The following ST7 variants were observed in gnomAD, a reference collection of about 807,000 sequenced individuals.
ST7 encodes suppression of tumorigenicity 7.
A neutral mutation model predicts 78.7 loss-of-function variants in ST7; 28 were observed. The observed-to-expected ratio is 0.36, with a 90% CI of 0.26 to 0.49. ST7 has a LOEUF of 0.49. Ranked by LOEUF, ST7 falls within the 20% of genes least tolerant of loss-of-function variation. The pLI is 0.99. For missense variants in ST7, 418 were observed against 696.0 expected (o/e 0.60, Z 4.49); for synonymous variants, 247 against 249.6 (o/e 0.99, Z 0.10).
chr7:117,008,009 C>T (rs1010228297), intron 1 of ST7, among the ~76,000 whole-genome samples: 3 of 152,148 alleles, frequency 2.0e-5, no homozygotes, highest in Admixed American at 6.5e-5. Flanking sequence ...AAGAATGTAG[C>T]AGTTGTCTTG....
intron 1 of ST7, among the ~76,000 whole-genome samples, chr7:117,011,959 CA>C (rs1224278563): frequency 6.6e-6 from 1 of 152,084 alleles, no homozygotes; most frequent in Non-Finnish European, 1.5e-5. Flanking sequence ...AGAGTCTAGG[CA>C]AGTAGTATCT....
At chr7:117,095,685 T>G (rs1379592757) in intron 1 of ST7, among the ~76,000 whole-genome samples, 2 of 152,192 alleles carry the variant, frequency 1.3e-5, no homozygotes, top group African/African-American at 4.8e-5. Context: ...ATAGTTTATT[T>G]TCACAAAGCT....
chr7:116,956,913 A>G (rs1047999109), intron 1 of ST7: 11 of 317,318 alleles, frequency 3.5e-5, no homozygotes, highest in African/African-American at 8.8e-5. Flanking sequence ...AATTGAGCCT[A>G]AGAGGATGAG....
At chr7:117,110,107 A>G (rs183739149) in intron 2 of ST7, among the ~76,000 whole-genome samples, 79 of 152,324 alleles carry the variant, frequency 5.2e-4, no homozygotes, top group Non-Finnish European at 9.4e-4. Flanking sequence ...ATCTTTTAGC[A>G]TATATGTTTT....
intron 1 of ST7, among the ~76,000 whole-genome samples, chr7:117,035,539 G>C (rs1468465504): frequency 2.6e-5 from 4 of 152,114 alleles, no homozygotes; most frequent in Non-Finnish European, 5.9e-5. Flanking sequence ...ATATATAGTA[G>C]AAATTTTAAC....
chr7:117,117,502 T>G (rs1802981333), intron 2 of ST7, among the ~76,000 whole-genome samples: 1 of 152,190 alleles, frequency 6.6e-6, no homozygotes, highest in Admixed American at 6.5e-5. Context: ...CTGGGTCCTT[T>G]GGAGTCTTCT....
chr7:117,132,150 A>G (rs570027078), intron 6 of ST7, among the ~76,000 whole-genome samples, 190 bp downstream of exon 6: 1 of 151,856 alleles, frequency 6.6e-6, no homozygotes, highest in Admixed American at 6.6e-5. Flanking sequence ...GGTTTTAGTC[A>G]TTTTATGAAT....
At position 117,119,681 on chromosome 7, in the gene ST7, A is replaced by T. The variant is rs1249501967; in HGVS notation, c.355A>T (p.Ser119Cys). 6.2e-7 allele frequency: 1 copy of T among 1,613,406 alleles called. No individual in the cohort carries two copies. ...DNNSSNNSNS[S>C]NGDSDSNRQS... ...CAACTCTTCCAACAATTCTAATTCCAGTAACGGGGACTCAGATTCCAATAG... is the reference window on the plus strand; with the variant it reads ...CAACTCTTCCAACAATTCTAATTCCTGTAACGGGGACTCAGATTCCAATAG... Residue 119 changes from serine (S) to cysteine (C), a missense_variant, in exon 3 of 16, where the codon AGT (serine) becomes TGT (cysteine). Coordinates refer to ENST00000323984, the MANE Select transcript of ST7 (RefSeq NM_001369598.1).
At chr7:117,209,709 A>G in intron 12 of ST7, 78 bp from the exon 13 acceptor site, 1 of 1,514,058 alleles carries the variant, frequency 6.6e-7, no homozygotes, top group Non-Finnish European at 8.9e-7. Flanking sequence ...CTTTAGGGAA[A>G]TCAACTGCTC....
At chr7:117,159,311 G>T (rs1313604169) in intron 9 of ST7, among the ~76,000 whole-genome samples, 3 of 152,150 alleles carry the variant, frequency 2.0e-5, no homozygotes, top group Non-Finnish European at 4.4e-5. Context: ...ACAATAGCCA[G>T]ATGATGTAAA....
chr7:117,120,917 A>T (rs1266631788), intron 3 of ST7, among the ~76,000 whole-genome samples: 2 of 152,218 alleles, frequency 1.3e-5, no homozygotes, highest in Non-Finnish European at 2.9e-5. Context: ...AACAGGGACA[A>T]TGGGAAGGGT....
chr7:117,213,127 T>A (rs1355341489), intron 13 of ST7, among the ~76,000 whole-genome samples: 1 of 152,216 alleles, frequency 6.6e-6, no homozygotes, highest in Non-Finnish European at 1.5e-5. Flanking sequence ...CCCTCTCAGG[T>A]CCGCTGGCCA....
intron 1 of ST7, among the ~76,000 whole-genome samples, chr7:116,994,605 C>T (rs1794567781): frequency 6.6e-6 from 1 of 151,962 alleles, no homozygotes; most frequent in African/African-American, 2.4e-5. Flanking sequence ...TACCTCCAAA[C>T]AAGGATAAAC....
At chr7:117,066,080 T>C (rs1798616960) in intron 1 of ST7, among the ~76,000 whole-genome samples, 1 of 152,254 alleles carries the variant, frequency 6.6e-6, no homozygotes, top group Non-Finnish European at 1.5e-5. Flanking sequence ...ATTCTCCTAC[T>C]TCCTAAACTA....
At chr7:117,029,790 T>C (rs2116141951) in intron 1 of ST7, among the ~76,000 whole-genome samples, 1 of 152,110 alleles carries the variant, frequency 6.6e-6, no homozygotes, top group Middle Eastern at 3.4e-3. Flanking sequence ...TATTCACTTC[T>C]TCTAGCACCA....
In ST7 at chr7:117,222,921, C is replaced by T. The variant is rs376141534; in HGVS notation, c.1638+859C>T. 59 of 1,614,060 alleles carry T rather than the reference C, an allele frequency of 3.7e-5. No homozygotes were observed. In the East Asian group the frequency reaches 3.8e-4, roughly 10 times the overall value. On this transcript the variant is annotated intron_variant, in intron 15 of 15. Coordinates refer to ENST00000323984, the MANE Select transcript of ST7 (RefSeq NM_001369598.1). Reference sequence around the variant, plus strand: ...CTGGAATTGCAAGAGTATTTTCATGCGTGTTGAAGATGAACTGGAAATCCC... The same window carrying T: ...CTGGAATTGCAAGAGTATTTTCATGTGTGTTGAAGATGAACTGGAAATCCC...
At chr7:117,002,478 A>G (rs1413709585) in intron 1 of ST7, among the ~76,000 whole-genome samples, 10 of 152,088 alleles carry the variant, frequency 6.6e-5, no homozygotes, top group Admixed American at 5.9e-4. Flanking sequence ...TAGGATTTCA[A>G]GGTTCTAATA....
rs775595414 is a variant in ST7, at chr7:117,136,078, C to T, written c.711-3C>T. The T allele has an allele frequency of 6.2e-7, 1 of 1,612,782 alleles. No homozygotes were observed. ...TGATGGTGGCTATTATCTGAATGAA[C>T]AGGTGTGCAACTGCTTATATTCTCT... On this transcript the variant is annotated splice_polypyrimidine_tract_variant and splice_region_variant and intron_variant, in intron 7 of 15. Transcript: ENST00000323984.
intron 1 of ST7, chr7:116,956,494 T>G (rs1181291729): frequency 2.1e-6 from 1 of 471,060 alleles, no homozygotes; most frequent in Non-Finnish European, 4.4e-6. Flanking sequence ...CTGGAGCTGC[T>G]TTTAGGGAGT....
Sources: gnomAD v4.1 joint callset for allele counts (sites outside exome capture counted in the v4.1 genomes callset) on GRCh38, gnomAD v4.1.1 for gene constraint, MANE v1.5 for transcripts, NCBI Gene and HGNC (gene_info 2026-07-23, HGNC 2026-07-21) for gene names.